The following TEKT5 variants were observed in gnomAD, a reference collection of about 807,000 sequenced individuals.
TEKT5 encodes tektin 5, also known as tektin-5.
A neutral mutation model predicts 48.7 loss-of-function variants in TEKT5; 52 were observed. The observed-to-expected ratio is 1.07, with a 90% CI of 0.86 to 1.35. The LOEUF (loss-of-function observed/expected upper bound fraction) is 1.35, where lower values mean the gene tolerates loss of function less well. Ranked by LOEUF, TEKT5 falls within the 40% of genes most tolerant of loss-of-function variation. The pLI, the probability that TEKT5 is intolerant of heterozygous loss-of-function variation, is 0.00. For synonymous variants in TEKT5, 318 were observed against 267.6 expected (o/e 1.19, Z -1.84); for missense variants, 831 against 641.6 (o/e 1.30, Z -3.19).
At chr16:10,636,234 G>T (rs142651332) in intron 5 of TEKT5, among the ~76,000 whole-genome samples, 2 of 152,128 alleles carry the variant, frequency 1.3e-5, no homozygotes, top group East Asian at 3.9e-4. Context: ...AATTAGCCGG[G>T]CGTGGTGGCA....
At chr16:10,659,266 T>C (rs994138439) in intron 5 of TEKT5, among the ~76,000 whole-genome samples, 2 of 152,340 alleles carry the variant, frequency 1.3e-5, no homozygotes, top group East Asian at 1.9e-4. Flanking sequence ...CAGTCAAATA[T>C]CACATGTACC....
rs559766544 is a variant in TEKT5 at position 10,677,019 on chromosome 16, T to C, written c.864-838A>G. ...GGCAATGTGGTGAAACCCACATCTC[T>C]ATAAAAAATGTCAAAAAAAAAAGTA... On this transcript the variant is annotated intron_variant, in intron 4 of 6. Coordinates refer to ENST00000283025, the MANE Select transcript of TEKT5 (RefSeq NM_144674.2). Among the ~76,000 whole-genome samples, 8 of 152,244 alleles carry C rather than the reference T, an allele frequency of 5.3e-5. No homozygotes were observed. In the South Asian group the frequency reaches 1.7e-3, roughly 32 times the overall value.
Position 10,640,293 on chromosome 16 carries a change from C to T in TEKT5, c.1087-4375G>A, listed in dbSNP as rs530349295. Among the ~76,000 whole-genome samples, 18 of 152,182 alleles carry T rather than the reference C, an allele frequency of 1.2e-4. No individual in the cohort carries two copies. In the South Asian group the frequency reaches 3.5e-3, roughly 30 times the overall value. On this transcript the variant is annotated intron_variant, in intron 5 of 6. Coordinates refer to ENST00000283025, the MANE Select transcript of TEKT5 (RefSeq NM_144674.2). The stretch of plus-strand genomic sequence containing the variant: ...CAGTAGCTGGGACTACAGGTGCCTG[C>T]CACCACACTCAGCTAACTTTCTGTT...
intron 5 of TEKT5, among the ~76,000 whole-genome samples, chr16:10,648,021 T>A (rs756370667): frequency 1.3e-5 from 2 of 152,208 alleles, no homozygotes; most frequent in Non-Finnish European, 2.9e-5. Context: ...AGACAAATGG[T>A]CACTGTCAGC....
chr16:10,688,258 C>G (rs928040179), intron 3 of TEKT5, among the ~76,000 whole-genome samples: 1 of 152,218 alleles, frequency 6.6e-6, no homozygotes, highest in African/African-American at 2.4e-5. Flanking sequence ...TAGGGGTCTC[C>G]AATGTGTCTG....
Position 10,659,741 on chromosome 16 carries a change from C to A in TEKT5, c.1086+16218G>T, listed in dbSNP as rs537423743. ...GTATTCACATTCAAAATAAGAAAAC[C>A]ATGAAAGGCCTGTACGCTCATTATT... is the stretch of plus-strand genomic sequence containing the variant. On this transcript the variant is annotated intron_variant, in intron 5 of 6. Coordinates refer to ENST00000283025, the MANE Select transcript of TEKT5 (RefSeq NM_144674.2). Among the ~76,000 whole-genome samples the A allele has an allele frequency of 2.0e-5, 3 of 152,156 alleles. No homozygotes were observed. The East Asian group carries it at 5.8e-4, about 29-fold the overall frequency.
Position 10,627,543 on chromosome 16 carries a change from C to A in TEKT5, c.*40G>T. ...TTTTACTTTGTTTCTCAGCCTTTTC[C>A]AATTTTACGCCAGCGCGGAATGAGG... On this transcript the variant is annotated 3_prime_UTR_variant, in exon 7 of 7. Coordinates refer to ENST00000283025, the MANE Select transcript of TEKT5 (RefSeq NM_144674.2). The A allele has an allele frequency of 6.2e-7, 1 of 1,602,724 alleles. No homozygotes were observed. The highest frequency in any genetic ancestry group is 8.5e-7 in the Non-Finnish European group (1 of 1,170,736).
chr16:10,640,740 GA>G (rs200830742), intron 5 of TEKT5, among the ~76,000 whole-genome samples: 3,413 of 152,244 alleles, frequency 0.022, 131 homozygotes, highest in African/African-American at 0.079. Context: ...TTTTTGGAGG[GA>G]GGGGGTTCTG....
chr16:10,694,893 T>A lies in TEKT5; in HGVS notation c.-20A>T. 3.3e-6 allele frequency: 5 copies of A among 1,525,106 alleles called. No homozygotes were observed. Among genetic ancestry groups the A allele is most frequent in the Non-Finnish European group, 4.4e-6 (5 of 1,143,598 alleles). 94.5% of individuals were successfully genotyped at this position (1,525,106 alleles called of 1,614,324 possible). ...CTCCATCCTCCCTCATGAGCCCCACTCGGGCAAAACTCAGCTCAAGGAGCC... is the reference window on the plus strand; with the variant it reads ...CTCCATCCTCCCTCATGAGCCCCACACGGGCAAAACTCAGCTCAAGGAGCC... On this transcript the variant is annotated 5_prime_UTR_variant, in exon 1 of 7. Transcript: ENST00000283025.
chr16:10,642,980 T>C (rs1242929657), intron 5 of TEKT5, among the ~76,000 whole-genome samples: 3 of 152,220 alleles, frequency 2.0e-5, no homozygotes, highest in African/African-American at 7.2e-5. Context: ...ATAGTGGATG[T>C]TCCCAACACA....
chr16:10,676,972 C>A (rs996553320), intron 4 of TEKT5, among the ~76,000 whole-genome samples: 3 of 152,144 alleles, frequency 2.0e-5, no homozygotes, highest in African/African-American at 7.2e-5. Flanking sequence ...TCAGTTGAGT[C>A]CAGGAGTTCA....
intron 5 of TEKT5, among the ~76,000 whole-genome samples, chr16:10,668,942 C>T (rs1026890591): frequency 1.3e-5 from 2 of 152,182 alleles, no homozygotes; most frequent in South Asian, 2.1e-4. Flanking sequence ...CAAAGAGAGG[C>T]AGCAGCCACT....
intron 5 of TEKT5, among the ~76,000 whole-genome samples, chr16:10,663,883 G>A (rs1007618978): frequency 2.0e-5 from 3 of 152,234 alleles, no homozygotes; most frequent in Admixed American, 6.5e-5. Context: ...GGTCCTGCTC[G>A]CAGCCGTTTC....
At chr16:10,694,246 A>G in intron 1 of TEKT5, 64 bp downstream of exon 1, 2 of 1,475,916 alleles carry the variant, frequency 1.4e-6, no homozygotes, top group South Asian at 2.7e-5. Context: ...AGTCAAGGGA[A>G]GCAGAATGAG....
rs901243286 is a variant in TEKT5 at position 10,637,730 on chromosome 16, T to C, written c.1087-1812A>G. ...CTGACTGTGATGCCTCAACAGAAAA[T>C]ACAATGAAAATCAGAAAAAGTCAAA... On this transcript the variant is annotated intron_variant, in intron 5 of 6. Transcript: ENST00000283025. Among the ~76,000 whole-genome samples the C allele has an allele frequency of 2.0e-5, 3 of 152,188 alleles. No individual in the cohort carries two copies. The East Asian group carries it at 5.8e-4, about 29-fold the overall frequency.
chr16:10,663,661 T>C (rs954777999), intron 5 of TEKT5, among the ~76,000 whole-genome samples: 6 of 152,204 alleles, frequency 3.9e-5, no homozygotes, highest in African/African-American at 1.4e-4. Flanking sequence ...TCTTGACATT[T>C]GAGCCCAGAT....
Position 10,676,162 on chromosome 16 carries a change from A to T in TEKT5, c.883T>A (p.Trp295Arg). Residue 295 changes from tryptophan (W) to arginine (R), a missense_variant, in exon 5 of 7, where the codon TGG becomes AGG. Physicochemically the swap from Trp to Arg is moderately radical, Grantham distance 101. Transcript: ENST00000283025. ...IDGTISVPET[W>R]AKFSNDNIKH... ...ATGTTGTCGTTACTGAACTTGGCCC[A>T]GGTCTCAGGTACGGAGATCCTGCAA... is the stretch of plus-strand genomic sequence containing the variant. 3.7e-6 allele frequency: 6 copies of T among 1,614,198 alleles called. No individual in the cohort carries two copies. Among genetic ancestry groups the T allele is most frequent in the Non-Finnish European group, 5.1e-6 (6 of 1,180,034 alleles).
chr16:10,643,396 A>T (rs986619617), intron 5 of TEKT5, among the ~76,000 whole-genome samples: 2 of 151,988 alleles, frequency 1.3e-5, no homozygotes, highest in Admixed American at 1.3e-4. Flanking sequence ...AAAAAAAAGT[A>T]AAATATAAAT....
Position 10,687,965 on chromosome 16 carries a change from T to C in TEKT5, c.719+1288A>G, listed in dbSNP as rs535014843. Reference sequence around the variant, plus strand: ...TCCATCCCCTCCAGCATTTATCATTTCTTTGTGTTACAAACATTCCCATTT... The same window carrying C: ...TCCATCCCCTCCAGCATTTATCATTCCTTTGTGTTACAAACATTCCCATTT... On this transcript the variant is annotated intron_variant, in intron 3 of 6. Transcript: ENST00000283025. 3.8e-3 allele frequency among the ~76,000 whole-genome samples: 583 copies of C among 152,376 alleles called. 3 individuals carry two copies. Among genetic ancestry groups the C allele is most frequent in the African/African-American group, 0.013 (557 of 41,594 alleles).
Sources: allele counts gnomAD v4.1 joint callset (sites outside exome capture counted in the v4.1 genomes callset), GRCh38; gene constraint gnomAD v4.1.1; transcripts MANE v1.5; gene names NCBI Gene and HGNC (gene_info 2026-07-23, HGNC 2026-07-21).